The following TAOK3 variants were observed in gnomAD, a reference collection of about 807,000 sequenced individuals.
The protein encoded by TAOK3 is TAO kinase 3.
Under a neutral mutation model 120.4 loss-of-function variants are expected in TAOK3, and 40 were observed. The ratio of observed to expected loss-of-function variants is 0.33; its 90% CI spans 0.26 to 0.43. TAOK3 has a LOEUF of 0.43. Among genes scored for constraint, TAOK3 ranks in the 20% least tolerant of loss-of-function variants. The pLI is 1.00. For missense variants in TAOK3, 821 were observed against 1,112.1 expected (o/e 0.74, Z 3.72); for synonymous variants, 355 against 387.5 (o/e 0.92, Z 0.99).
chr12:118,180,696 A>C (rs2036660714), intron 15 of TAOK3, among the ~76,000 whole-genome samples: 1 of 152,206 alleles, frequency 6.6e-6, no homozygotes, highest in Non-Finnish European at 1.5e-5. Flanking sequence ...CTATTTGTAA[A>C]GCAGTTTTCT....
At chr12:118,213,616 T>C (rs1297889442) in intron 10 of TAOK3, among the ~76,000 whole-genome samples, 1 of 151,722 alleles carries the variant, frequency 6.6e-6, no homozygotes, top group African/African-American at 2.4e-5. Context: ...AGTGTACATA[T>C]AGTTTAAAAA....
intron 1 of TAOK3, among the ~76,000 whole-genome samples, chr12:118,299,278 A>G (rs1056820757): frequency 6.6e-6 from 1 of 152,156 alleles, no homozygotes; most frequent in African/African-American, 2.4e-5. Flanking sequence ...TCTTCCCTAT[A>G]TAAACTTCTC....
chr12:118,369,004 GAAAA>G lies in TAOK3; in HGVS notation c.-194+3640_-194+3643del, dbSNP rs975694288. Reference sequence around the variant, plus strand: ...TGAAATCCCATCTCTACTAAAAATAGAAAAAAAAAAAAAAAAAAAGAAGAAGAAG... The same window carrying G: ...TGAAATCCCATCTCTACTAAAAATAGAAAAAAAAAAAAAAAGAAGAAGAAG... On this transcript the variant is annotated intron_variant, in intron 1 of 20. Transcript: ENST00000392533. Among the ~76,000 whole-genome samples the G allele has an allele frequency of 9.4e-4, 65 of 69,382 alleles. No individual in the cohort carries two copies. The South Asian group carries it at 0.028, about 30-fold the overall frequency. 45.5% of individuals were successfully genotyped at this position (69,382 alleles called of 152,430 possible).
At chr12:118,217,241 CA>C (rs1355464725) in intron 9 of TAOK3, among the ~76,000 whole-genome samples, 3 of 152,132 alleles carry the variant, frequency 2.0e-5, no homozygotes, top group Non-Finnish European at 4.4e-5. Flanking sequence ...AGTTAAAACA[CA>C]AAACAAGAAA....
intron 1 of TAOK3, among the ~76,000 whole-genome samples, chr12:118,357,079 A>C (rs748383645): frequency 7.1e-4 from 108 of 152,238 alleles, no homozygotes; most frequent in Non-Finnish European, 4.6e-4. Context: ...TTCTCAGTAC[A>C]TGAAATGTAT....
chr12:118,261,744 T>A (rs1263968944), intron 2 of TAOK3: 1 of 152,222 alleles, frequency 6.6e-6, no homozygotes, highest in East Asian at 1.9e-4. Context: ...AAGTAAGACT[T>A]TCTGTTGTCA....
At chr12:118,213,095 G>A (rs372536017) in intron 10 of TAOK3, 100 bp from the exon 11 acceptor site, 3 of 653,394 alleles carry the variant, frequency 4.6e-6, no homozygotes, top group East Asian at 3.2e-5. Flanking sequence ...TGCATTTAAG[G>A]AGATTTTAAA....
chr12:118,363,984 G>A (rs937189802), intron 1 of TAOK3, among the ~76,000 whole-genome samples: 5 of 152,032 alleles, frequency 3.3e-5, no homozygotes, highest in African/African-American at 1.2e-4. Context: ...AGCTGGGCAT[G>A]GTGACGCATG....
rs757072547 is a variant in TAOK3, at chr12:118,212,894, A to G, written c.819+20T>C. ...CATGACTTTAAATCCCCCTCCTCAA[A>G]TATAAATTTGAAAAATTACCCTTAA... is the stretch of plus-strand genomic sequence containing the variant. On this transcript the variant is annotated intron_variant, in intron 11 of 20. Transcript: ENST00000392533. The G allele has an allele frequency of 2.6e-6, 4 of 1,540,214 alleles. No individual in the cohort carries two copies. The highest frequency in any genetic ancestry group is 2.3e-5 in the South Asian group (2 of 87,018).
intron 1 of TAOK3, among the ~76,000 whole-genome samples, chr12:118,358,210 T>C (rs74387210): frequency 0.022 from 3,361 of 152,318 alleles, 121 homozygotes; most frequent in African/African-American, 0.076. Context: ...ACTAAATTCA[T>C]TTTATGGACT....
Position 118,239,210 on chromosome 12 carries a change from A to G in TAOK3, c.340+17T>C. On this transcript the variant is annotated intron_variant, in intron 6 of 20. Transcript: ENST00000392533. ...CAAAGTAAAACAGAAAGGAGAGTTT[A>G]ATTCCTTCTTTCTTACCTTCTAATA... 1.3e-6 allele frequency: 2 copies of G among 1,495,772 alleles called. No individual in the cohort carries two copies. The highest frequency in any genetic ancestry group is 1.9e-6 in the Non-Finnish European group (2 of 1,073,412). The allele number at this position is 1,495,772 out of a possible 1,614,324, so 92.7% of individuals were successfully genotyped here.
chr12:118,255,520 G>A lies in TAOK3; in HGVS notation c.48C>T (p.Tyr16=), dbSNP rs752669176. ...LKDPEIADLF[Y]KDDPEELFIG... Reference sequence around the variant, plus strand: ...TAAAAAGTTCCTCAGGATCATCTTTGTAGAATAGATCGGCAATCTCTGGGT... The same window carrying A: ...TAAAAAGTTCCTCAGGATCATCTTTATAGAATAGATCGGCAATCTCTGGGT... Residue 16 remains tyrosine (Y), a synonymous_variant, in exon 3 of 21, where the codon TAC becomes TAT. Coordinates refer to ENST00000392533, the MANE Select transcript of TAOK3 (RefSeq NM_016281.4). 6.2e-7 allele frequency: 1 copy of A among 1,614,074 alleles called. No individual in the cohort carries two copies. The highest frequency in any genetic ancestry group is 8.5e-7 in the Non-Finnish European group (1 of 1,179,986).
At chr12:118,331,667 A>AC (rs1453493159) in intron 1 of TAOK3, among the ~76,000 whole-genome samples, 3 of 150,572 alleles carry the variant, frequency 2.0e-5, no homozygotes, top group African/African-American at 7.3e-5. Context: ...AAAAAAAAAA[A>AC]AGAATAATAT....
chr12:118,194,958 A>G (rs556917087), intron 13 of TAOK3, among the ~76,000 whole-genome samples: 3 of 152,136 alleles, frequency 2.0e-5, no homozygotes, highest in Admixed American at 6.5e-5. Flanking sequence ...CATATTGGCC[A>G]GGCTCGTCTC....
At position 118,160,424 on chromosome 12, in the gene TAOK3, T is replaced by C. The variant is rs2035138737; in HGVS notation, c.2140-66A>G. On this transcript the variant is annotated intron_variant, in intron 18 of 20. Coordinates refer to ENST00000392533, the MANE Select transcript of TAOK3 (RefSeq NM_016281.4). This position sits in a 1 kb window ranked among gnomAD's most constrained non-coding sequence, Gnocchi z 4.2. ...AGTAAATACAGAAAGCCTTCTACCA[T>C]AATGATATAATACAAGTGCTGAGAG... 1.5e-6 allele frequency: 2 copies of C among 1,314,528 alleles called. No individual in the cohort carries two copies. The highest frequency in any genetic ancestry group is 1.5e-5 in the African/African-American group (1 of 68,576). The allele number at this position is 1,314,528 out of a possible 1,614,324, so 81.4% of individuals were successfully genotyped here.
At chr12:118,360,252 G>A (rs980039885) in intron 1 of TAOK3, among the ~76,000 whole-genome samples, 3 of 145,938 alleles carry the variant, frequency 2.1e-5, no homozygotes, top group African/African-American at 7.7e-5. Flanking sequence ...GCGACAGAGT[G>A]AGACTGTCTC....
At chr12:118,347,220 C>T (rs904617050) in intron 1 of TAOK3, among the ~76,000 whole-genome samples, 1 of 152,050 alleles carries the variant, frequency 6.6e-6, no homozygotes, top group African/African-American at 2.4e-5. Context: ...ACTTTATTGC[C>T]CAGGCTAGGC....
intron 17 of TAOK3, among the ~76,000 whole-genome samples, chr12:118,162,769 CTTTCTTTCTTCCT>C (rs1565875219): frequency 6.6e-6 from 1 of 152,036 alleles, no homozygotes; most frequent in African/African-American, 2.4e-5. Flanking sequence ...CTACTCATGT[CTTTCTTTCTTCCT>C]TTTCTTTCTT....
rs1592977524 is a variant in TAOK3 at position 118,160,431 on chromosome 12, A to G, written c.2140-73T>C. 3.2e-6 allele frequency: 4 copies of G among 1,260,324 alleles called. No individual in the cohort carries two copies. Among genetic ancestry groups the G allele is most frequent in the Non-Finnish European group, 3.4e-6 (3 of 881,586 alleles). The allele number at this position is 1,260,324 out of a possible 1,614,324, so 78.1% of individuals were successfully genotyped here. A position where few individuals can be genotyped will look rare whatever the true frequency, so the allele number is the denominator to read the frequency against. On this transcript the variant is annotated intron_variant, in intron 18 of 20. Coordinates refer to ENST00000392533, the MANE Select transcript of TAOK3 (RefSeq NM_016281.4). This position sits in a 1 kb window ranked among gnomAD's most constrained non-coding sequence, Gnocchi z 4.2. The stretch of plus-strand genomic sequence containing the variant: ...ACAGAAAGCCTTCTACCATAATGAT[A>G]TAATACAAGTGCTGAGAGCGTCTGT...
Sources: allele counts gnomAD v4.1 joint callset (sites outside exome capture counted in the v4.1 genomes callset), GRCh38; gene constraint gnomAD v4.1.1; non-coding constraint Gnocchi (gnomAD v3.1); transcripts MANE v1.5; gene names NCBI Gene and HGNC (gene_info 2026-07-23, HGNC 2026-07-21).